The following VWA8 variants were observed in gnomAD, a reference collection of about 807,000 sequenced individuals.
VWA8 encodes the protein von Willebrand factor A domain-containing protein 8.
In VWA8, 221 loss-of-function variants were observed where a neutral mutation model predicts 241.5. The ratio of observed to expected loss-of-function variants is 0.91; its 90% confidence interval spans 0.82 to 1.02. VWA8 has a LOEUF of 1.02. Among genes scored for constraint, VWA8 ranks in the 50% least tolerant of loss-of-function variants. The pLI is 0.00. For synonymous variants in VWA8, 852 were observed against 827.1 expected (o/e 1.03, Z -0.52); for missense variants, 2,322 against 2,328.7 (o/e 1.00, Z 0.06).
intron 2 of VWA8, among the ~76,000 whole-genome samples, chr13:41,930,360 C>T (rs1877047773): frequency 6.6e-6 from 1 of 152,178 alleles, no homozygotes; most frequent in Admixed American, 6.5e-5. Context: ...CTCAGCAATT[C>T]TTCTGGATAT....
intron 4 of VWA8, among the ~76,000 whole-genome samples, chr13:41,896,522 A>G (rs1053902538): frequency 3.9e-5 from 6 of 152,074 alleles, no homozygotes; most frequent in African/African-American, 1.4e-4. Context: ...ATCTCAAACT[A>G]AAAGACTGAA....
At chr13:41,895,562 C>A (rs1446028126) in intron 4 of VWA8, among the ~76,000 whole-genome samples, 1 of 152,156 alleles carries the variant, frequency 6.6e-6, no homozygotes, top group African/African-American at 2.4e-5. Flanking sequence ...CTACAGATAA[C>A]TACAATTACA....
chr13:41,783,056 C>T (rs948710355), intron 19 of VWA8, among the ~76,000 whole-genome samples: 1 of 150,948 alleles, frequency 6.6e-6, no homozygotes, highest in Non-Finnish European at 1.5e-5. Flanking sequence ...AGGACATATC[C>T]CTCTGAACTA....
Position 41,568,323 on chromosome 13 carries a change from G to A in VWA8, c.5610-18C>T, listed in dbSNP as rs776069195. On this transcript the variant is annotated intron_variant, in intron 44 of 44. Coordinates refer to ENST00000379310, the MANE Select transcript of VWA8 (RefSeq NM_015058.2). Reference sequence around the variant, plus strand: ...TCTGAAGCCTGCCAGGATGGAAAGGGAAAGGAAGTTACCACTGTAAATGGG... The same window carrying A: ...TCTGAAGCCTGCCAGGATGGAAAGGAAAAGGAAGTTACCACTGTAAATGGG... 4.3e-6 allele frequency: 7 copies of A among 1,609,528 alleles called. No homozygotes were observed. In the South Asian group the frequency reaches 6.6e-5, roughly 15 times the overall value.
chr13:41,818,462 C>G (rs1870798620), intron 15 of VWA8, among the ~76,000 whole-genome samples: 1 of 151,704 alleles, frequency 6.6e-6, no homozygotes, highest in East Asian at 2.0e-4. Context: ...GTCTCAGCTA[C>G]TTGAGAGGCT....
chr13:41,869,631 CAAAAAAAAAAA>C (rs532296102), intron 9 of VWA8, among the ~76,000 whole-genome samples: 28 of 40,302 alleles, frequency 6.9e-4, no homozygotes, highest in South Asian at 2.5e-3. Context: ...AACTTTGTCT[CAAAAAAAAAAA>C]AAAAAAAAAA....
intron 9 of VWA8, among the ~76,000 whole-genome samples, chr13:41,880,857 T>C (rs1874136735): frequency 6.6e-6 from 1 of 152,192 alleles, no homozygotes; most frequent in Non-Finnish European, 1.5e-5. Flanking sequence ...CTGAGTCTTT[T>C]GGAGGGAGAT....
At chr13:41,943,426 T>C (rs923982019) in intron 2 of VWA8, among the ~76,000 whole-genome samples, 9 of 152,118 alleles carry the variant, frequency 5.9e-5, no homozygotes, top group Admixed American at 4.6e-4. Context: ...AGCAGAATTA[T>C]AAAATTCTTA....
rs767436262 is a variant in VWA8, at chr13:41,611,577, TCTG to T, written c.4873_4875del (p.Gln1625del). On this transcript the variant is annotated inframe_deletion and splice_region_variant, in exon 39 of 45. Coordinates refer to ENST00000379310, the MANE Select transcript of VWA8 (RefSeq NM_015058.2). ...TCTAAATGTGATGGGAGCACTGACCTCTGCTGGAATGCTCTCTGGCCCATCTCT... is the reference window on the plus strand; with the variant it reads ...TCTAAATGTGATGGGAGCACTGACCTCTGGAATGCTCTCTGGCCCATCTCT... 1.9e-6 allele frequency: 3 copies of T among 1,613,948 alleles called. No homozygotes were observed. Among genetic ancestry groups the T allele is most frequent in the Non-Finnish European group, 1.7e-6 (2 of 1,179,860 alleles).
At chr13:41,570,984 G>A (rs1566370685) in intron 43 of VWA8, among the ~76,000 whole-genome samples, 1 of 152,278 alleles carries the variant, frequency 6.6e-6, no homozygotes, top group African/African-American at 2.4e-5. Flanking sequence ...TCCACTTAAA[G>A]TGAGAAAATA....
At chr13:41,655,806 A>C (rs1226950026) in intron 37 of VWA8, among the ~76,000 whole-genome samples, 2 of 152,258 alleles carry the variant, frequency 1.3e-5, no homozygotes, top group African/African-American at 4.8e-5. Context: ...ATAAGTATTG[A>C]AAATACATTT....
At chr13:41,750,084 G>A (rs1191351055) in intron 21 of VWA8, among the ~76,000 whole-genome samples, 2 of 152,100 alleles carry the variant, frequency 1.3e-5, no homozygotes, top group Non-Finnish European at 2.9e-5. Context: ...TCCTCTTACG[G>A]ATCTGGGCAA....
At chr13:41,590,501 T>TTC in intron 41 of VWA8, 139 bp downstream of exon 41, 1 of 777,876 alleles carries the variant, frequency 1.3e-6, no homozygotes, top group African/African-American at 2.0e-5. Flanking sequence ...TCTTCTTCTT[T>TTC]TTTTTTTTTT....
intron 22 of VWA8, among the ~76,000 whole-genome samples, chr13:41,730,789 T>C (rs550991441): frequency 3.9e-5 from 6 of 152,136 alleles, no homozygotes; most frequent in African/African-American, 1.4e-4. Flanking sequence ...ATTTTTCTCA[T>C]AGGATGGTAT....
At chr13:41,639,754 T>C (rs1037587782) in intron 37 of VWA8, among the ~76,000 whole-genome samples, 1 of 152,146 alleles carries the variant, frequency 6.6e-6, no homozygotes, top group African/African-American at 2.4e-5. Context: ...CGATAGACGA[T>C]GGAGCCTACT....
intron 24 of VWA8, among the ~76,000 whole-genome samples, chr13:41,722,579 C>T (rs1207673898): frequency 1.3e-5 from 2 of 152,122 alleles, no homozygotes; most frequent in Admixed American, 6.5e-5. Context: ...TGAAGAATGG[C>T]TTTTGCCTTT....
At chr13:41,912,569 T>C (rs1876063520) in intron 2 of VWA8, among the ~76,000 whole-genome samples, 2 of 152,286 alleles carry the variant, frequency 1.3e-5, no homozygotes, top group African/African-American at 4.8e-5. Flanking sequence ...AATTTTATAG[T>C]CCAATCTTTT....
chr13:41,821,344 A>T (rs1870950257), intron 14 of VWA8, among the ~76,000 whole-genome samples: 1 of 152,194 alleles, frequency 6.6e-6, no homozygotes, highest in African/African-American at 2.4e-5. Context: ...ACAGTCACCG[A>T]ACTACTGAAT....
chr13:41,802,393 T>C (rs1209339020), intron 17 of VWA8, among the ~76,000 whole-genome samples: 1 of 152,182 alleles, frequency 6.6e-6, no homozygotes, highest in Non-Finnish European at 1.5e-5. Context: ...GTGCTCTGTG[T>C]TCTAAATAAA....
Sources: allele counts gnomAD v4.1 joint callset (sites outside exome capture counted in the v4.1 genomes callset), GRCh38; gene constraint gnomAD v4.1.1; transcripts MANE v1.5; gene names NCBI Gene and HGNC (gene_info 2026-07-23, HGNC 2026-07-21).